Variants in EHMT1 observed in about 807,000 individuals in gnomAD.
EHMT1 encodes histone-lysine N-methyltransferase EHMT1.
Under a neutral mutation model 147.2 loss-of-function variants are expected in EHMT1, and 15 were observed. The ratio of observed to expected loss-of-function variants is 0.10; its 90% CI spans 0.07 to 0.16. The LOEUF is 0.16. EHMT1 is among the 10% of genes least tolerant of loss of function. EHMT1 has a pLI of 1.00. For missense variants in EHMT1, 1,587 were observed against 1,772.4 expected (o/e 0.90, Z 1.88); for synonymous variants, 795 against 709.6 (o/e 1.12, Z -1.91).
chr9:137,706,835 T>A lies in EHMT1; in HGVS notation c.22-4132T>A, dbSNP rs866136511. Among the ~76,000 whole-genome samples the A allele has an allele frequency of 5.9e-5, 9 of 151,978 alleles. No homozygotes were observed. The South Asian group carries it at 1.0e-3, about 18-fold the overall frequency. On this transcript the variant is annotated intron_variant, in intron 1 of 26. Transcript: ENST00000460843. ...TTATCTTTTATACATATATATATAT[T>A]TTTTGAGATGGAGTTTTGCTCTTTT...
chr9:137,640,136 T>C (rs1159344698), intron 1 of EHMT1, among the ~76,000 whole-genome samples: 1 of 152,212 alleles, frequency 6.6e-6, no homozygotes, highest in African/African-American at 2.4e-5. Context: ...GGTTTCGCTG[T>C]GTTGGCCAGG....
In EHMT1 at chr9:137,817,482, G is replaced by T. The variant is rs770731320; in HGVS notation, c.3418G>T (p.Val1140Leu). ...CCGGACGCGGGACATGGGCTGGGGCGTGCGGTCCCTGCAGGACATCCCACC... is the reference window on the plus strand; with the variant it reads ...CCGGACGCGGGACATGGGCTGGGGCTTGCGGTCCCTGCAGGACATCCCACC... Reference protein sequence around the residue: ...LYRTRDMGWGVRSLQDIPPGT... With the variant: ...LYRTRDMGWGLRSLQDIPPGT... Residue 1140 changes from valine to leucine, a missense_variant, in exon 24 of 27, where the codon GTG becomes TTG. Physicochemically the swap from Val to Leu is conservative, Grantham distance 32 (BLOSUM62 1). Transcript: ENST00000460843. 5.6e-6 allele frequency: 9 copies of T among 1,614,102 alleles called. No homozygotes were observed. Among genetic ancestry groups the T allele is most frequent in the Non-Finnish European group, 7.6e-6 (9 of 1,180,040 alleles).
chr9:137,736,409 A>C (rs1191721629), intron 4 of EHMT1, among the ~76,000 whole-genome samples: 1 of 152,256 alleles, frequency 6.6e-6, no homozygotes, highest in Non-Finnish European at 1.5e-5. Flanking sequence ...TCAATAATGG[A>C]TAGAATAACC....
At chr9:137,780,646 G>A (rs1411258596) in intron 14 of EHMT1, among the ~76,000 whole-genome samples, 1 of 71,368 alleles carries the variant, frequency 1.4e-5, no homozygotes, top group African/African-American at 6.6e-5. Context: ...TGGTGATGAC[G>A]GCATCTCACT....
chr9:137,725,239 G>A (rs1271399938), intron 3 of EHMT1, among the ~76,000 whole-genome samples: 1 of 148,858 alleles, frequency 6.7e-6, no homozygotes, highest in Non-Finnish European at 1.5e-5. Context: ...TCGTGGGGCA[G>A]ATGTGGGGCA....
intron 3 of EHMT1, 100 bp downstream of exon 3, chr9:137,717,282 C>T (rs1460733453): frequency 8.9e-6 from 13 of 1,458,202 alleles, no homozygotes; most frequent in South Asian, 1.2e-5. Context: ...CAGTAAGTGT[C>T]AGTGGTTATC....
intron 6 of EHMT1, among the ~76,000 whole-genome samples, chr9:137,749,171 A>G (rs1948782156): frequency 1.3e-5 from 2 of 151,958 alleles, no homozygotes; most frequent in Admixed American, 1.3e-4. Context: ...CCCAGGACAG[A>G]TGTGGGAAGC....
rs568515545 is a variant in EHMT1, at chr9:137,829,556, T to C, written c.3541-4793T>C. Among the ~76,000 whole-genome samples the C allele has an allele frequency of 5.2e-5, 8 of 152,384 alleles. No homozygotes were observed. In the East Asian group the frequency reaches 1.5e-3, roughly 29 times the overall value. On this transcript the variant is annotated intron_variant, in intron 25 of 26. Transcript: ENST00000460843. ...TGAGATTGCCGTCACGTGAGGTTCA[T>C]CTACAGACTCCTAGTTTCCCCGATG...
At chr9:137,738,968 A>G (rs532511292) in intron 4 of EHMT1, among the ~76,000 whole-genome samples, 1 of 152,162 alleles carries the variant, frequency 6.6e-6, no homozygotes, top group Admixed American at 6.5e-5. Flanking sequence ...GTGGAGGTAG[A>G]TAGGGGTGAT....
At chr9:137,640,096 G>A (rs989124036) in intron 1 of EHMT1, among the ~76,000 whole-genome samples, 30 of 152,032 alleles carry the variant, frequency 2.0e-4, no homozygotes, top group African/African-American at 6.3e-4. Flanking sequence ...CACTGTGCCC[G>A]GCTAAGTTTT....
At chr9:137,812,779 C>T (rs1392915727) in intron 19 of EHMT1, among the ~76,000 whole-genome samples, 3 of 152,232 alleles carry the variant, frequency 2.0e-5, no homozygotes, top group Non-Finnish European at 4.4e-5. Context: ...AAGAAAACAG[C>T]CTGCTGACTT....
At chr9:137,822,090 T>G (rs1426489587) in intron 25 of EHMT1, among the ~76,000 whole-genome samples, 1 of 152,216 alleles carries the variant, frequency 6.6e-6, no homozygotes, top group Non-Finnish European at 1.5e-5. Context: ...GAGCCCTTAG[T>G]CCCTCCTTCT....
chr9:137,752,491 C>A, intron 7 of EHMT1, 83 bp downstream of exon 7: 14 of 1,509,976 alleles, frequency 9.3e-6, no homozygotes, highest in Non-Finnish European at 8.1e-6. Context: ...CTTTACCCAA[C>A]AACCCTTGTT....
chr9:137,768,735 G>C (rs1332501759), intron 10 of EHMT1, among the ~76,000 whole-genome samples: 1 of 150,934 alleles, frequency 6.6e-6, no homozygotes, highest in Non-Finnish European at 1.5e-5. Context: ...ATTTTTAGTA[G>C]AGACGGGGTT....
intron 2 of EHMT1, chr9:137,715,653 G>A (rs1355893763): frequency 1.4e-5 from 14 of 985,304 alleles, no homozygotes; most frequent in African/African-American, 3.5e-5. Context: ...TGTCAATCTC[G>A]TGATGTAAAA....
At chr9:137,683,152 A>G (rs1046860644) in intron 1 of EHMT1, among the ~76,000 whole-genome samples, 2 of 152,232 alleles carry the variant, frequency 1.3e-5, no homozygotes, top group African/African-American at 4.8e-5. Context: ...CATTTAATAG[A>G]CTTTATTAAA....
rs539526279 is a variant in EHMT1 at position 137,752,592 on chromosome 9, G to C, written c.1248+184G>C. On this transcript the variant is annotated intron_variant, in intron 7 of 26. Transcript: ENST00000460843. ...GGCAAAGCCTCATGAGAAAGACACC[G>C]TGCAGAGTTGCAGCGCAGGGCTGGG... is the stretch of plus-strand genomic sequence containing the variant. Among the ~76,000 whole-genome samples, 3 of 152,212 alleles carry C rather than the reference G, an allele frequency of 2.0e-5. No homozygotes were observed. The South Asian group carries it at 6.2e-4, about 32-fold the overall frequency.
chr9:137,772,745 G>T (rs536970962), intron 10 of EHMT1, among the ~76,000 whole-genome samples: 1 of 152,328 alleles, frequency 6.6e-6, no homozygotes, highest in African/African-American at 2.4e-5. Flanking sequence ...GTCAGCAGTC[G>T]GTGAATCTGT....
rs181201649 is a variant in EHMT1, at chr9:137,808,749, C to T, written c.2713-2712C>T. On this transcript the variant is annotated intron_variant, in intron 18 of 26. Coordinates refer to ENST00000460843, the MANE Select transcript of EHMT1 (RefSeq NM_024757.5). Reference sequence around the variant, plus strand: ...CAGCCTGGGCAACATGGTGAAACCCCGACTCTACTAAAAATACAAAATGAT... The same window carrying T: ...CAGCCTGGGCAACATGGTGAAACCCTGACTCTACTAAAAATACAAAATGAT... Among the ~76,000 whole-genome samples the T allele has an allele frequency of 8.8e-4, 134 of 152,020 alleles. 2 individuals carry two copies. The East Asian group carries it at 0.019, about 22-fold the overall frequency.
Sources: gnomAD v4.1 joint callset for allele counts (sites outside exome capture counted in the v4.1 genomes callset) on GRCh38, gnomAD v4.1.1 for gene constraint, MANE v1.5 for transcripts, NCBI Gene and HGNC (gene_info 2026-07-23, HGNC 2026-07-21) for gene names.